The following EWSR1 variants were observed in gnomAD, a reference collection of about 807,000 sequenced individuals.
The protein encoded by EWSR1 is EWS RNA binding protein 1.
In EWSR1, 14 loss-of-function variants were observed where a neutral mutation model predicts 92.1. That is an observed-to-expected ratio of 0.15 (90% CI 0.10 to 0.24). The LOEUF is 0.24. Among genes scored for constraint, EWSR1 ranks in the 10% least tolerant of loss-of-function variants. EWSR1 has a pLI of 1.00. For synonymous variants in EWSR1, 303 were observed against 292.9 expected (o/e 1.03, Z -0.35); for missense variants, 637 against 870.9 (o/e 0.73, Z 3.38).
chr22:29,294,473 G>A (rs2060686263), intron 11 of EWSR1, among the ~76,000 whole-genome samples: 1 of 151,254 alleles, frequency 6.6e-6, no homozygotes, highest in Non-Finnish European at 1.5e-5. Flanking sequence ...AGGCTTGGTG[G>A]CGGGCACCTG....
At position 29,288,633 on chromosome 22, in the gene EWSR1, G is replaced by T; in HGVS notation, c.821G>T (p.Ser274Ile). The change falls in exon 8 of 17, where the codon AGC becomes ATC. Residue 274 changes from serine to isoleucine, a missense_variant. Ser to Ile is a moderately radical substitution (Grantham distance 142, BLOSUM62 -2). This residue lies in a region of EWSR1 where 116 missense variants were observed against 167.8 expected (regional missense o/e 0.69). Transcript: ENST00000397938. The part of the protein sequence containing the change: ...QSSFRQDHPS[S>I]MGVYGQESGG... ...TCATTCCGACAGGACCACCCCAGTA[G>T]CATGGGTGTTTATGGGCAGGAGTCT... 6.2e-7 allele frequency: 1 copy of T among 1,613,304 alleles called. No homozygotes were observed. The highest frequency in any genetic ancestry group is 2.2e-5 in the East Asian group (1 of 44,876).
At chr22:29,280,886 T>TG (rs2059538774) in intron 5 of EWSR1, among the ~76,000 whole-genome samples, 1 of 122,430 alleles carries the variant, frequency 8.2e-6, no homozygotes, top group Non-Finnish European at 1.8e-5. Flanking sequence ...TTTTTTTTTT[T>TG]TTTTTTTTTT....
Position 29,299,691 on chromosome 22 carries a change from G to A in EWSR1, c.1771G>A (p.Gly591Ser). 4.3e-6 allele frequency: 7 copies of A among 1,612,756 alleles called. No individual in the cohort carries two copies. Among genetic ancestry groups the A allele is most frequent in the Middle Eastern group, 1.8e-4 (1 of 5,698 alleles). Reference protein sequence around the residue: ...RGGPGGMFRGGRGGDRGGFRG... With the variant: ...RGGPGGMFRGSRGGDRGGFRG... ...TGGTCCCGGTGGAATGTTCAGAGGTGGCCGTGGTGGAGACAGAGGTGGCTT... is the reference window on the plus strand; with the variant it reads ...TGGTCCCGGTGGAATGTTCAGAGGTAGCCGTGGTGGAGACAGAGGTGGCTT... The change falls in exon 16 of 17, where the codon GGC (glycine) becomes AGC (serine). Residue 591 changes from glycine to serine, a missense_variant. Gly to Ser is a moderately conservative substitution (Grantham distance 56, BLOSUM62 0). Around this residue, in one of 5 missense-constraint regions of EWSR1, gnomAD observed 363 missense variants for 447.8 expected, o/e 0.81. Transcript: ENST00000397938.
chr22:29,273,608 T>G, intron 3 of EWSR1, 133 bp from the exon 4 acceptor site: 2 of 964,072 alleles, frequency 2.1e-6, no homozygotes, highest in African/African-American at 1.6e-5. Flanking sequence ...TCTTGTTTTG[T>G]TGTTTTTGTT....
intron 6 of EWSR1, among the ~76,000 whole-genome samples, chr22:29,284,124 G>A (rs772227407): frequency 6.6e-6 from 1 of 151,178 alleles, no homozygotes; most frequent in African/African-American, 2.5e-5. Flanking sequence ...ATGAGCCACT[G>A]CGCCTGGCCC....
In EWSR1 at chr22:29,297,868, C is replaced by T. The variant is rs1418679276; in HGVS notation, c.1336C>T (p.Arg446Trp). 2.5e-6 allele frequency: 4 copies of T among 1,613,836 alleles called. No individual in the cohort carries two copies. Among genetic ancestry groups the T allele is most frequent in the Non-Finnish European group, 3.4e-6 (4 of 1,179,988 alleles). Residue 446 changes from arginine (R) to tryptophan (W), a missense_variant, in exon 13 of 17, where the codon CGG (arginine) becomes TGG (tryptophan). Transcript: ENST00000397938. Reference sequence around the variant, plus strand: ...GAGCAAACTTAAAGTCTCCCTTGCTCGGAAGAAGCCTCCAATGAACAGTAT... The same window carrying T: ...GAGCAAACTTAAAGTCTCCCTTGCTTGGAAGAAGCCTCCAATGAACAGTAT... ...QGSKLKVSLA[R>W]KKPPMNSMRG...
In EWSR1 at chr22:29,299,774, T is replaced by C. The variant is rs373731597; in HGVS notation, c.1854T>C (p.Pro618=). The C allele has an allele frequency of 1.9e-6, 3 of 1,602,966 alleles. No homozygotes were observed. The highest frequency in any genetic ancestry group is 1.7e-5 in the Admixed American group (1 of 58,850). ...GGFGGGRRGG[P]GGPPGPLMEQ... ...TTGGTGGAGGAAGACGAGGTGGCCC[T>C]GGGGGGCCCCCTGGACCTTTGATGG... Residue 618 remains proline, a synonymous_variant, in exon 16 of 17, where the codon CCT becomes CCC. Coordinates refer to ENST00000397938, the MANE Select transcript of EWSR1 (RefSeq NM_005243.4).
At chr22:29,293,043 C>T (rs1001418460) in intron 11 of EWSR1, among the ~76,000 whole-genome samples, 17 of 152,100 alleles carry the variant, frequency 1.1e-4, no homozygotes, top group Admixed American at 2.0e-4. Context: ...TGATCCCCTA[C>T]GCCCGGCCTT....
chr22:29,269,073 A>G (rs897596198), intron 1 of EWSR1: 11 of 152,150 alleles, frequency 7.2e-5, no homozygotes, highest in African/African-American at 2.4e-4. Flanking sequence ...CCCCAAAACC[A>G]ATTAAGTGGC....
chr22:29,268,345 C>G lies in EWSR1; in HGVS notation c.9C>G (p.Ser3=). ...AGGAGGAAGGAGAGAAAATGGCGTC[C>G]ACGGGTGAGTATGGTGGAACTGCGG... MA[S]TDYSTYSQAA... Residue 3 remains serine, a synonymous_variant, in exon 1 of 17, where the codon TCC becomes TCG. Transcript: ENST00000397938. The G allele has an allele frequency of 1.2e-6, 2 of 1,614,160 alleles. No homozygotes were observed. Among genetic ancestry groups the G allele is most frequent in the Non-Finnish European group, 1.7e-6 (2 of 1,180,012 alleles).
intron 1 of EWSR1, 125 bp downstream of exon 1, chr22:29,268,474 G>A (rs1217585371): frequency 6.5e-7 from 1 of 1,545,112 alleles, no homozygotes; most frequent in Admixed American, 1.7e-5. Flanking sequence ...GGCACCCGCC[G>A]CGGCCCGACG....
At chr22:29,272,527 T>A (rs973933631) in intron 3 of EWSR1, 96 bp downstream of exon 3, 38 of 1,292,128 alleles carry the variant, frequency 2.9e-5, no homozygotes, top group Non-Finnish European at 4.0e-5. Context: ...AAATGAGTAA[T>A]GTGTTTGGAA....
intron 1 of EWSR1, among the ~76,000 whole-genome samples, chr22:29,268,625 C>T (rs1239098970): frequency 6.6e-6 from 1 of 152,146 alleles, no homozygotes; most frequent in African/African-American, 2.4e-5. Context: ...TGGCGGTCCT[C>T]GCGCCCTGAG....
At chr22:29,272,488 C>G in intron 3 of EWSR1, 57 bp downstream of exon 3, 1 of 1,507,126 alleles carries the variant, frequency 6.6e-7, no homozygotes, top group Admixed American at 1.7e-5. Flanking sequence ...AGTATATTAT[C>G]CAGTTATCTT....
At chr22:29,273,968 C>A in intron 4 of EWSR1, 104 bp downstream of exon 4, 1 of 1,420,994 alleles carries the variant, frequency 7.0e-7, no homozygotes, top group South Asian at 1.3e-5. Flanking sequence ...CATACCTTGG[C>A]ATCTGGGGAA....
chr22:29,293,944 C>A (rs1427123391), intron 11 of EWSR1, among the ~76,000 whole-genome samples: 3 of 152,148 alleles, frequency 2.0e-5, no homozygotes, highest in African/African-American at 7.2e-5. Context: ...GTGGCGCAGT[C>A]TTGGTTTACT....
Position 29,299,481 on chromosome 22 carries a change from T to G in EWSR1, c.1679-118T>G, listed in dbSNP as rs2061166313. On this transcript the variant is annotated intron_variant, in intron 15 of 16. Coordinates refer to ENST00000397938, the MANE Select transcript of EWSR1 (RefSeq NM_005243.4). ...TAAATTGTCAGCCCGATGCCGAGAT[T>G]GAGTGAAGTGTCTGGTTTGTTCTGC... 5 of 1,489,008 alleles carry G rather than the reference T, an allele frequency of 3.4e-6. No individual in the cohort carries two copies. In the South Asian group the frequency reaches 5.5e-5, roughly 16 times the overall value. The allele number at this position is 1,489,008 out of a possible 1,614,324, so 92.2% of individuals were successfully genotyped here.
In EWSR1 at chr22:29,297,875, A is replaced by C. The variant is rs780205458; in HGVS notation, c.1343A>C (p.Lys448Thr). 1 of 1,614,148 alleles carries C rather than the reference A, an allele frequency of 6.2e-7. No homozygotes were observed. The highest frequency in any genetic ancestry group is 8.5e-7 in the Non-Finnish European group (1 of 1,180,022). Residue 448 changes from lysine to threonine, a missense_variant, in exon 13 of 17, where the codon AAG becomes ACG. Transcript: ENST00000397938. ...SKLKVSLARK[K>T]PPMNSMRGGL... ...CTTAAAGTCTCCCTTGCTCGGAAGA[A>C]GCCTCCAATGAACAGTATGCGGGGT...
intron 15 of EWSR1, 54 bp from the exon 16 acceptor site, chr22:29,299,545 C>A: frequency 6.5e-7 from 1 of 1,541,658 alleles, no homozygotes; most frequent in Admixed American, 1.9e-5. Context: ...ACAGTGTCCA[C>A]AGGGCCTCTG....
Sources: allele counts gnomAD v4.1 joint callset (sites outside exome capture counted in the v4.1 genomes callset), GRCh38; gene constraint gnomAD v4.1.1; regional missense constraint gnomAD v4.1.1; transcripts MANE v1.5; gene names NCBI Gene and HGNC (gene_info 2026-07-23, HGNC 2026-07-21).